Variants in FOCAD observed in about 807,000 individuals in gnomAD.
FOCAD encodes the protein focadhesin, also known as KIAA1797.
FOCAD carries 198 observed loss-of-function variants against 225.6 expected under a neutral mutation model. The observed-to-expected ratio is 0.88, with a 90% CI of 0.78 to 0.99. FOCAD has a LOEUF of 0.99. FOCAD is among the 50% of genes least tolerant of loss of function. The pLI is 0.00. For synonymous variants in FOCAD, 897 were observed against 755.0 expected, an observed-to-expected ratio of 1.19 and a Z score of -3.08; for missense variants, 2,713 against 2,123.6, an observed-to-expected ratio of 1.28 and a Z score of -5.46.
chr9:20,817,011 C>T (rs1352367381), intron 11 of FOCAD, among the ~76,000 whole-genome samples: 2 of 152,016 alleles, frequency 1.3e-5, no homozygotes, highest in African/African-American at 2.4e-5. Context: ...ATGAGGTGTG[C>T]GTATCTGTGT....
At chr9:20,986,585 C>G (rs532914718) in intron 40 of FOCAD, 120 bp downstream of exon 40, 1 of 786,296 alleles carries the variant, frequency 1.3e-6, no homozygotes. Flanking sequence ...CAGGTTAGGC[C>G]TTCTGGTGCC....
At chr9:20,914,227 T>A (rs566073220) in intron 23 of FOCAD, among the ~76,000 whole-genome samples, 1 of 152,360 alleles carries the variant, frequency 6.6e-6, no homozygotes, top group South Asian at 2.1e-4. Flanking sequence ...CTTGATTTAT[T>A]ATTTCAAAAA....
chr9:20,692,728 A>G (rs1823048714), intron 1 of FOCAD, among the ~76,000 whole-genome samples: 1 of 152,192 alleles, frequency 6.6e-6, no homozygotes, highest in African/African-American at 2.4e-5. Context: ...TGGAAGCAAG[A>G]TAACAAGAGG....
At chr9:20,902,901 T>C (rs1832673986) in intron 21 of FOCAD, among the ~76,000 whole-genome samples, 1 of 151,956 alleles carries the variant, frequency 6.6e-6, no homozygotes. Flanking sequence ...CAAAGTCTAA[T>C]AGATGGTGAG....
chr9:20,912,905 A>G lies in FOCAD; in HGVS notation c.2758A>G (p.Lys920Glu), dbSNP rs375679429. Residue 920 changes from lysine (K) to glutamate (E), a missense_variant, in exon 23 of 44, where the codon AAA (lysine) becomes GAA (glutamate). By Grantham distance (56) the Lys-to-Glu change is moderately conservative. Coordinates refer to ENST00000338382, the MANE Select transcript of FOCAD (RefSeq NM_001375567.1). ...GCTGGAGTTGCAGTTAAAACATGGA[A>G]AAGAAGAACCTGAGGAGGTGCAGTA... ...GELELQLKHG[K>E]EEPEEVQYKK... 8.1e-6 allele frequency: 13 copies of G among 1,613,284 alleles called. No individual in the cohort carries two copies. In the African/African-American group the frequency reaches 1.5e-4, roughly 18 times the overall value.
At chr9:20,709,761 T>C (rs1456456903) in intron 1 of FOCAD, among the ~76,000 whole-genome samples, 1 of 152,230 alleles carries the variant, frequency 6.6e-6, no homozygotes, top group Admixed American at 6.5e-5. Context: ...GAATGCTTAA[T>C]GGCCATTTGT....
chr9:20,727,821 A>G (rs868592172), intron 4 of FOCAD, among the ~76,000 whole-genome samples: 1 of 152,204 alleles, frequency 6.6e-6, no homozygotes, highest in African/African-American at 2.4e-5. Flanking sequence ...CTAGGGATGC[A>G]TCCCTCTTGG....
upstream of FOCAD, among the ~76,000 whole-genome samples, chr9:20,656,988 C>G (rs1043978596): frequency 1.3e-5 from 2 of 151,856 alleles, no homozygotes; most frequent in Non-Finnish European, 2.9e-5. Flanking sequence ...GACAAAATCT[C>G]TCAGCATTTG....
At chr9:20,950,500 A>G (rs953335093) in intron 33 of FOCAD, among the ~76,000 whole-genome samples, 2 of 152,196 alleles carry the variant, frequency 1.3e-5, no homozygotes, top group African/African-American at 4.8e-5. Flanking sequence ...TTCTACTGAA[A>G]TTTAAGTTAC....
intron 2 of FOCAD, among the ~76,000 whole-genome samples, chr9:20,659,424 G>GAGAAAGAAAGAAAGAA (rs775515495): frequency 0.033 from 4,660 of 140,412 alleles, 160 homozygotes; most frequent in African/African-American, 0.073. Context: ...AGAAAGAAAG[G>GAGAAAGAAAGAAAGAA]AGAAAGAAAG....
chr9:20,770,990 A>G (rs1818163749), intron 8 of FOCAD, among the ~76,000 whole-genome samples: 3 of 152,216 alleles, frequency 2.0e-5, no homozygotes, highest in South Asian at 2.1e-4. Flanking sequence ...ACTAAATTAT[A>G]GTACAATAAG....
chr9:20,857,661 C>G (rs892929691), intron 15 of FOCAD, among the ~76,000 whole-genome samples: 1 of 151,606 alleles, frequency 6.6e-6, no homozygotes, highest in Non-Finnish European at 1.5e-5. Flanking sequence ...TTGTCTTGTT[C>G]CATATCTTAA....
intron 27 of FOCAD, among the ~76,000 whole-genome samples, chr9:20,931,126 G>A (rs1013758677): frequency 9.2e-5 from 14 of 152,174 alleles, no homozygotes; most frequent in Admixed American, 3.3e-4. Context: ...GCTTGCATTT[G>A]TGGTTAACTT....
intron 15 of FOCAD, among the ~76,000 whole-genome samples, chr9:20,838,162 T>C (rs908205500): frequency 4.6e-5 from 7 of 152,122 alleles, no homozygotes; most frequent in African/African-American, 1.4e-4. Context: ...TAGGATTTCT[T>C]AGAGTTTGTG....
intron 6 of FOCAD, among the ~76,000 whole-genome samples, chr9:20,760,507 G>C (rs1829489175): frequency 6.6e-6 from 1 of 152,202 alleles, no homozygotes; most frequent in Admixed American, 6.5e-5. Context: ...ACAGGAAGCA[G>C]TGCTGTTTCC....
chr9:20,947,897 TGC>T (rs1837330941), intron 30 of FOCAD, among the ~76,000 whole-genome samples: 1 of 152,194 alleles, frequency 6.6e-6, no homozygotes, highest in Non-Finnish European at 1.5e-5. Flanking sequence ...TCATATACTT[TGC>T]TTTTTATGGG....
At chr9:20,693,747 G>C (rs1457939247) in intron 1 of FOCAD, among the ~76,000 whole-genome samples, 2 of 152,164 alleles carry the variant, frequency 1.3e-5, no homozygotes, top group East Asian at 3.9e-4. Context: ...ATCTTGCTCT[G>C]TTGCCCAGGC....
At chr9:20,971,289 A>T (rs1364031696) in intron 35 of FOCAD, among the ~76,000 whole-genome samples, 1 of 152,180 alleles carries the variant, frequency 6.6e-6, no homozygotes, top group Non-Finnish European at 1.5e-5. Context: ...CACAAAATCA[A>T]AAATTAAAAT....
At chr9:20,780,819 G>A (rs762191899) in intron 9 of FOCAD, among the ~76,000 whole-genome samples, 4 of 152,060 alleles carry the variant, frequency 2.6e-5, no homozygotes, top group Non-Finnish European at 4.4e-5. Context: ...AAACAATTAT[G>A]GATTAAGACC....
Sources: allele counts gnomAD v4.1 joint callset (sites outside exome capture counted in the v4.1 genomes callset), GRCh38; gene constraint gnomAD v4.1.1; transcripts MANE v1.5; gene names NCBI Gene and HGNC (gene_info 2026-07-23, HGNC 2026-07-21).